The following ACSS3 variants were observed in gnomAD, a reference collection of about 807,000 sequenced individuals.
ACSS3 encodes the protein acyl-CoA synthetase short chain family member 3.
ACSS3 carries 64 observed loss-of-function variants against 84.2 expected under a neutral mutation model. The ratio of observed to expected loss-of-function variants is 0.76; its 90% CI spans 0.62 to 0.94. The LOEUF is 0.94. ACSS3 is among the 40% of genes least tolerant of loss of function. The pLI is 0.00. For synonymous variants in ACSS3, 317 were observed against 310.1 expected (o/e 1.02, Z -0.23); for missense variants, 815 against 867.6 (o/e 0.94, Z 0.76).
In ACSS3 at chr12:81,216,986, A is replaced by G; in HGVS notation, c.1440A>G (p.Pro480=). ...CAGGGCAAGCAGGAAAAAGCGTCCC[A>G]GGATACAATGGTAAGGAATGACCCT... ...PPPGQAGKSV[P]GYNVMILDDN... Residue 480 remains proline, a synonymous_variant, in exon 10 of 16, where the codon CCA becomes CCG. Transcript: ENST00000548058. 6.2e-7 allele frequency: 1 copy of G among 1,609,358 alleles called. No individual in the cohort carries two copies. Among genetic ancestry groups the G allele is most frequent in the Non-Finnish European group, 8.5e-7 (1 of 1,176,336 alleles).
intron 10 of ACSS3, among the ~76,000 whole-genome samples, chr12:81,217,445 A>G (rs888324665): frequency 2.6e-5 from 4 of 152,198 alleles, no homozygotes; most frequent in Admixed American, 6.5e-5. Flanking sequence ...TTGTCCTCAG[A>G]ATTTGCTTGC....
chr12:81,176,531 G>A (rs146890313), intron 8 of ACSS3, among the ~76,000 whole-genome samples: 164 of 152,040 alleles, frequency 1.1e-3, no homozygotes, highest in African/African-American at 3.4e-3. Flanking sequence ...CCAAGATCAC[G>A]CCACTGCACT....
rs146727141 is a variant in ACSS3, at chr12:81,175,764, C to T, written c.1250+825C>T. 7.2e-5 allele frequency among the ~76,000 whole-genome samples: 11 copies of T among 152,070 alleles called. No individual in the cohort carries two copies. In the East Asian group the frequency reaches 1.2e-3, roughly 16 times the overall value. On this transcript the variant is annotated intron_variant, in intron 8 of 15. Coordinates refer to ENST00000548058, the MANE Select transcript of ACSS3 (RefSeq NM_024560.4). ...TGCTCCTGGGTGACTTTTGGGTAAA[C>T]AATGAAATTAAGGTAGAAATCAAGA...
intron 13 of ACSS3, among the ~76,000 whole-genome samples, chr12:81,237,482 A>G (rs1038356082): frequency 5.3e-5 from 8 of 151,678 alleles, no homozygotes; most frequent in Non-Finnish European, 7.4e-5. Context: ...TGGGTTTGGT[A>G]TCTAGGGATT....
At chr12:81,107,042 G>T (rs932886052) in intron 1 of ACSS3, among the ~76,000 whole-genome samples, 1 of 151,958 alleles carries the variant, frequency 6.6e-6, no homozygotes, top group Non-Finnish European at 1.5e-5. Flanking sequence ...TTTTAGACAG[G>T]TTATTTTTTT....
At chr12:81,204,009 A>G (rs2032229412) in intron 9 of ACSS3, among the ~76,000 whole-genome samples, 1 of 152,176 alleles carries the variant, frequency 6.6e-6, no homozygotes, top group South Asian at 2.1e-4. Flanking sequence ...GAACAGCCAG[A>G]ACTTCCTTAT....
In ACSS3 at chr12:81,151,940, A is replaced by C; in HGVS notation, c.1002+16A>C. 2 of 1,613,582 alleles carry C rather than the reference A, an allele frequency of 1.2e-6. No individual in the cohort carries two copies. Among genetic ancestry groups the C allele is most frequent in the African/African-American group, 2.7e-5 (2 of 75,008 alleles). ...ACCCGGAGAGGTAATCGTGGTTTTA[A>C]ATTTACATTACATGACATTCTCTGA... On this transcript the variant is annotated intron_variant, in intron 6 of 15. Transcript: ENST00000548058.
intron 13 of ACSS3, among the ~76,000 whole-genome samples, chr12:81,249,995 G>A (rs2034099399): frequency 6.6e-6 from 1 of 151,982 alleles, no homozygotes; most frequent in Admixed American, 6.6e-5. Context: ...GAATTTACTA[G>A]TCCTAATCTC....
chr12:81,202,538 G>T (rs1317074760), intron 9 of ACSS3, among the ~76,000 whole-genome samples: 2 of 152,120 alleles, frequency 1.3e-5, no homozygotes, highest in African/African-American at 4.8e-5. Context: ...TTAAGAGAAG[G>T]TTAGCTTTAA....
chr12:81,129,483 G>A (rs891723248), intron 2 of ACSS3, among the ~76,000 whole-genome samples: 2 of 152,084 alleles, frequency 1.3e-5, no homozygotes, highest in Non-Finnish European at 2.9e-5. Flanking sequence ...AGAGAAACTG[G>A]AGATCTAGAT....
intron 7 of ACSS3, among the ~76,000 whole-genome samples, chr12:81,168,588 T>C (rs1332992359): frequency 1.3e-5 from 2 of 152,188 alleles, no homozygotes; most frequent in Non-Finnish European, 2.9e-5. Context: ...AGCTTCTGGG[T>C]CAGAGCTAAT....
chr12:81,219,973 T>C, intron 10 of ACSS3, 40 bp from the exon 11 acceptor site: 2 of 1,309,730 alleles, frequency 1.5e-6, no homozygotes, highest in Non-Finnish European at 2.0e-6. Flanking sequence ...AGCTTTAAGA[T>C]TATGAATTTT....
Position 81,099,236 on chromosome 12 carries a change from G to A in ACSS3, c.312-10324G>A, listed in dbSNP as rs139460032. 2.3e-3 allele frequency among the ~76,000 whole-genome samples: 352 copies of A among 152,134 alleles called. 3 individuals carry two copies. The highest frequency in any genetic ancestry group is 8.2e-3 in the African/African-American group (340 of 41,526). ...TGATTCTACTTTAGAAAAAGAGCCT[G>A]AAGTTCTTTTGTTTTATTGTTTATT... is the stretch of plus-strand genomic sequence containing the variant. On this transcript the variant is annotated intron_variant, in intron 1 of 15. Coordinates refer to ENST00000548058, the MANE Select transcript of ACSS3 (RefSeq NM_024560.4).
At chr12:81,133,736 G>A (rs1213594060) in intron 2 of ACSS3, among the ~76,000 whole-genome samples, 1 of 151,970 alleles carries the variant, frequency 6.6e-6, no homozygotes, top group Non-Finnish European at 1.5e-5. Context: ...CTTATTTATT[G>A]TGTTTATTGC....
At chr12:81,099,642 C>T (rs998004879) in intron 1 of ACSS3, among the ~76,000 whole-genome samples, 1 of 152,146 alleles carries the variant, frequency 6.6e-6, no homozygotes, top group Non-Finnish European at 1.5e-5. Context: ...CTTTCTGTAG[C>T]TCAGTAACCA....
At chr12:81,104,683 G>A (rs73357246) in intron 1 of ACSS3, 8,026 of 151,964 alleles carry the variant, frequency 0.053, 344 homozygotes, top group African/African-American at 0.11. Context: ...TTGGGAGCTT[G>A]AATTATTACC....
intron 11 of ACSS3, among the ~76,000 whole-genome samples, chr12:81,226,698 T>C (rs771853634): frequency 3.3e-5 from 5 of 151,880 alleles, no homozygotes; most frequent in Admixed American, 6.6e-5. Context: ...ATAGAAACTT[T>C]CTGTTTCCAT....
intron 9 of ACSS3, among the ~76,000 whole-genome samples, chr12:81,207,150 C>A (rs1320757148): frequency 1.3e-5 from 2 of 152,038 alleles, no homozygotes; most frequent in Non-Finnish European, 2.9e-5. Flanking sequence ...CACGTATAAA[C>A]CATGTTAGAA....
chr12:81,221,749 G>A lies in ACSS3; in HGVS notation c.1514+1673G>A, dbSNP rs561771097. 3.3e-5 allele frequency among the ~76,000 whole-genome samples: 5 copies of A among 152,208 alleles called. 1 individual carries two copies. In the South Asian group the frequency reaches 1.0e-3, roughly 32 times the overall value. The stretch of plus-strand genomic sequence containing the variant: ...AGGGAAAAGCAGCAGGGGAAGAAGG[G>A]AAGGGCTGCTAAAGAAATTAATAAT... On this transcript the variant is annotated intron_variant, in intron 11 of 15. Transcript: ENST00000548058.
Sources: gnomAD v4.1 joint callset for allele counts (sites outside exome capture counted in the v4.1 genomes callset) on GRCh38, gnomAD v4.1.1 for gene constraint, MANE v1.5 for transcripts, NCBI Gene and HGNC (gene_info 2026-07-23, HGNC 2026-07-21) for gene names.